DLG2: variants seen among roughly 807,000 people sequenced by gnomAD.
DLG2 encodes disks large homolog 2.
In DLG2, 45 loss-of-function variants were observed where a neutral mutation model predicts 132.5. That is an observed-to-expected ratio of 0.34 (90% CI 0.27 to 0.44). DLG2 has a LOEUF of 0.44. Among genes scored for constraint, DLG2 ranks in the 20% least tolerant of loss-of-function variants. The pLI, the probability that DLG2 is intolerant of heterozygous loss-of-function variation, is 1.00. For missense variants in DLG2, 1,045 were observed against 1,196.9 expected (o/e 0.87, Z 1.87); for synonymous variants, 424 against 419.6 (o/e 1.01, Z -0.13).
intron 18 of DLG2, among the ~76,000 whole-genome samples, chr11:83,722,421 T>C (rs766962476): frequency 6.6e-6 from 1 of 152,174 alleles, no homozygotes; most frequent in Non-Finnish European, 1.5e-5. Context: ...ATAAAGCCTG[T>C]AGAGGAGTTG....
intron 7 of DLG2, among the ~76,000 whole-genome samples, chr11:84,303,089 T>A (rs144358051): frequency 6.6e-6 from 1 of 152,270 alleles, no homozygotes; most frequent in East Asian, 1.9e-4. Context: ...TCAGCCTGGG[T>A]GACAGAGTGA....
intron 3 of DLG2, among the ~76,000 whole-genome samples, chr11:85,513,870 A>T (rs1422490166): frequency 1.3e-5 from 2 of 151,958 alleles, no homozygotes; most frequent in Admixed American, 6.6e-5. Flanking sequence ...CCCAAATCTG[A>T]TTAGTTACCA....
At chr11:85,393,116 A>C (rs1027148536) in intron 3 of DLG2, among the ~76,000 whole-genome samples, 6 of 152,164 alleles carry the variant, frequency 3.9e-5, no homozygotes, top group African/African-American at 1.4e-4. Flanking sequence ...CAAGAAACTC[A>C]AATCAGCAAG....
chr11:84,857,627 A>G (rs1023452503), intron 6 of DLG2, among the ~76,000 whole-genome samples: 7 of 152,082 alleles, frequency 4.6e-5, no homozygotes, highest in South Asian at 2.1e-4. Flanking sequence ...TGCATTTAAC[A>G]TATTCTTCAT....
chr11:84,875,348 C>T (rs2086173860), intron 6 of DLG2, among the ~76,000 whole-genome samples: 1 of 151,984 alleles, frequency 6.6e-6, no homozygotes. Flanking sequence ...TAACTAATTT[C>T]ATGCAAAGAA....
At chr11:83,930,512 T>C (rs767255481) in intron 14 of DLG2, 29 bp from the exon 15 acceptor site, 9 of 1,610,606 alleles carry the variant, frequency 5.6e-6, no homozygotes, top group African/African-American at 1.3e-5. Context: ...GAGAAAGATA[T>C]GCATGGTTAG....
intron 8 of DLG2, among the ~76,000 whole-genome samples, chr11:84,214,202 T>C (rs1235512994): frequency 3.4e-5 from 5 of 147,782 alleles, no homozygotes; most frequent in Non-Finnish European, 7.4e-5. Context: ...TTCATATATA[T>C]ATACATATAT....
chr11:84,443,113 C>A (rs938579858), intron 7 of DLG2, among the ~76,000 whole-genome samples: 4 of 151,998 alleles, frequency 2.6e-5, no homozygotes, highest in Non-Finnish European at 4.4e-5. Flanking sequence ...ATATCTTTTT[C>A]TCCTCTTAAA....
At chr11:85,262,719 GA>G (rs1263492545) in intron 4 of DLG2, among the ~76,000 whole-genome samples, 1 of 151,978 alleles carries the variant, frequency 6.6e-6, no homozygotes, top group Non-Finnish European at 1.5e-5. Context: ...ATAAGATCTG[GA>G]AAAACTTTGT....
chr11:85,293,396 C>A (rs1303149457), intron 3 of DLG2, among the ~76,000 whole-genome samples: 1 of 152,074 alleles, frequency 6.6e-6, no homozygotes, highest in Non-Finnish European at 1.5e-5. Context: ...GAGACCTCAT[C>A]TCTGCAAAAA....
At chr11:85,043,930 T>C (rs1455605896) in intron 6 of DLG2, among the ~76,000 whole-genome samples, 2 of 151,890 alleles carry the variant, frequency 1.3e-5, no homozygotes, top group Admixed American at 6.6e-5. Context: ...GTATGTAAGG[T>C]TGTAATCTCA....
chr11:84,417,677 A>G (rs2098934431), intron 7 of DLG2, among the ~76,000 whole-genome samples: 1 of 152,106 alleles, frequency 6.6e-6, no homozygotes, highest in African/African-American at 2.4e-5. Context: ...TTAAGATGTC[A>G]TCTCACAGCC....
intron 3 of DLG2, among the ~76,000 whole-genome samples, chr11:85,435,343 C>T (rs1279835606): frequency 6.6e-6 from 1 of 152,050 alleles, no homozygotes; most frequent in Non-Finnish European, 1.5e-5. Context: ...ATAAACGGTA[C>T]TCAAATGGGA....
chr11:84,512,145 G>A (rs574174875), intron 7 of DLG2, among the ~76,000 whole-genome samples: 24 of 152,108 alleles, frequency 1.6e-4, no homozygotes, highest in Admixed American at 3.3e-4. Context: ...AGACCACATG[G>A]CATTTCCAAA....
intron 15 of DLG2, among the ~76,000 whole-genome samples, chr11:83,888,612 A>G (rs1339530791): frequency 6.6e-6 from 1 of 152,196 alleles, no homozygotes; most frequent in African/African-American, 2.4e-5. Flanking sequence ...TAAAGTTCAT[A>G]TGGAACCAAA....
chr11:83,805,539 T>C (rs2045677657), intron 17 of DLG2, among the ~76,000 whole-genome samples: 1 of 152,138 alleles, frequency 6.6e-6, no homozygotes, highest in African/African-American at 2.4e-5. Context: ...GACTTCTAAT[T>C]GATGTTAGCT....
intron 16 of DLG2, among the ~76,000 whole-genome samples, chr11:83,848,122 AC>A (rs2058983858): frequency 1.0e-5 from 1 of 95,670 alleles, no homozygotes; most frequent in Non-Finnish European, 2.1e-5. Flanking sequence ...AGTCCCCCAC[AC>A]CTTTTTTTTT....
intron 6 of DLG2, among the ~76,000 whole-genome samples, chr11:84,535,510 G>C (rs996984091): frequency 1.9e-4 from 29 of 152,136 alleles, no homozygotes; most frequent in African/African-American, 7.0e-4. Flanking sequence ...TACCAGTAAA[G>C]ATTATTGTTT....
At chr11:84,659,548 T>C (rs1285661316) in intron 6 of DLG2, among the ~76,000 whole-genome samples, 1 of 152,122 alleles carries the variant, frequency 6.6e-6, no homozygotes, top group Admixed American at 6.6e-5. Context: ...GAAACAAAAC[T>C]TACATGCAGA....
Sources: gnomAD v4.1 joint callset for allele counts (sites outside exome capture counted in the v4.1 genomes callset) on GRCh38, gnomAD v4.1.1 for gene constraint, MANE v1.5 for transcripts, NCBI Gene and HGNC (gene_info 2026-07-23, HGNC 2026-07-21) for gene names.